The following CCDC192 variants were observed in gnomAD, a reference collection of about 807,000 sequenced individuals.
CCDC192 encodes coiled-coil domain-containing protein 192.
At chr5:127,910,540 G>A (rs245157) in intron 6 of CCDC192, among the ~76,000 whole-genome samples, 109,998 of 152,030 alleles carry the variant, frequency 0.72, 40,442 homozygotes, top group African/African-American at 0.87. Context: ...AATCCATACA[G>A]CCATAAACTC....
intron 6 of CCDC192, among the ~76,000 whole-genome samples, chr5:127,926,601 A>C (rs1211843046): frequency 2.0e-5 from 3 of 152,196 alleles, no homozygotes; most frequent in African/African-American, 7.2e-5. Flanking sequence ...AAGACGGATG[A>C]AAGAGCATGG....
At chr5:127,774,016 A>T (rs1332088286) in intron 3 of CCDC192, among the ~76,000 whole-genome samples, 2 of 152,200 alleles carry the variant, frequency 1.3e-5, no homozygotes, top group East Asian at 3.8e-4. Context: ...ACGACTAATG[A>T]TGTTGAACAT....
chr5:127,780,476 C>T (rs1756147330), intron 3 of CCDC192, among the ~76,000 whole-genome samples: 1 of 152,146 alleles, frequency 6.6e-6, no homozygotes, highest in East Asian at 1.9e-4. Flanking sequence ...GCATCCATGC[C>T]AACATCTACT....
At chr5:127,732,546 A>G (rs1185431804) in intron 2 of CCDC192, among the ~76,000 whole-genome samples, 1 of 152,252 alleles carries the variant, frequency 6.6e-6, no homozygotes, top group African/African-American at 2.4e-5. Flanking sequence ...ATGCACGCAT[A>G]TGTTCATTGC....
At chr5:127,831,286 T>G (rs968407656) in intron 5 of CCDC192, among the ~76,000 whole-genome samples, 3 of 151,002 alleles carry the variant, frequency 2.0e-5, no homozygotes, top group Non-Finnish European at 4.4e-5. Flanking sequence ...ATTAAACATT[T>G]AAAATCAAGT....
At chr5:127,749,654 T>C (rs1258182814) in intron 2 of CCDC192, among the ~76,000 whole-genome samples, 1 of 152,134 alleles carries the variant, frequency 6.6e-6, no homozygotes, top group African/African-American at 2.4e-5. Context: ...GATTCCCTCT[T>C]TTTCTATTGA....
At chr5:127,858,979 T>C (rs1379819764) in intron 5 of CCDC192, among the ~76,000 whole-genome samples, 1 of 152,192 alleles carries the variant, frequency 6.6e-6, no homozygotes, top group Non-Finnish European at 1.5e-5. Flanking sequence ...TGAGTATAGA[T>C]GTACTAAATT....
At chr5:127,737,814 C>G (rs1345180413) in intron 2 of CCDC192, among the ~76,000 whole-genome samples, 1 of 152,096 alleles carries the variant, frequency 6.6e-6, no homozygotes, top group African/African-American at 2.4e-5. Flanking sequence ...TATTTTGAGC[C>G]TATGTGTGAC....
At chr5:127,887,886 G>A (rs1752615809) in intron 6 of CCDC192, among the ~76,000 whole-genome samples, 1 of 151,570 alleles carries the variant, frequency 6.6e-6, no homozygotes, top group African/African-American at 2.4e-5. Context: ...TGTATATTTA[G>A]TAGAGACAGG....
chr5:127,795,190 T>C (rs1757092574), intron 3 of CCDC192, among the ~76,000 whole-genome samples: 1 of 149,324 alleles, frequency 6.7e-6, no homozygotes, highest in Non-Finnish European at 1.5e-5. Flanking sequence ...CTCAGGAGAC[T>C]GAGGTGGGAG....
chr5:127,803,055 G>C (rs1285325591), intron 5 of CCDC192, among the ~76,000 whole-genome samples: 1 of 152,122 alleles, frequency 6.6e-6, no homozygotes, highest in East Asian at 1.9e-4. Flanking sequence ...TATTTCACGT[G>C]AAATAAAAAG....
At chr5:127,936,778 G>C (rs916102175) in intron 6 of CCDC192, among the ~76,000 whole-genome samples, 6 of 152,232 alleles carry the variant, frequency 3.9e-5, no homozygotes, top group Admixed American at 6.5e-5. Flanking sequence ...AATCTGGTCA[G>C]ATAACAGCAC....
At chr5:127,722,677 G>A (rs1449806353) in intron 2 of CCDC192, among the ~76,000 whole-genome samples, 1 of 152,024 alleles carries the variant, frequency 6.6e-6, no homozygotes. Context: ...TTCTCCATAT[G>A]GATATCCAGT....
intron 2 of CCDC192, among the ~76,000 whole-genome samples, chr5:127,738,963 T>C (rs1441906232): frequency 6.6e-6 from 1 of 151,922 alleles, no homozygotes; most frequent in African/African-American, 2.4e-5. Flanking sequence ...TTTGTTCCGT[T>C]GCTGGTGAGG....
intron 5 of CCDC192, among the ~76,000 whole-genome samples, chr5:127,858,919 G>T (rs181426180): frequency 6.8e-6 from 1 of 146,314 alleles, no homozygotes; most frequent in Non-Finnish European, 1.5e-5. Context: ...CAAATTATTT[G>T]ACACTTTTGT....
At chr5:127,793,090 T>C (rs1756972317) in intron 3 of CCDC192, among the ~76,000 whole-genome samples, 1 of 152,110 alleles carries the variant, frequency 6.6e-6, no homozygotes, top group East Asian at 1.9e-4. Context: ...CTCAGCATCA[T>C]GCAATATACC....
At chr5:127,812,637 A>G (rs1580698737) in intron 5 of CCDC192, among the ~76,000 whole-genome samples, 1 of 152,170 alleles carries the variant, frequency 6.6e-6, no homozygotes, top group South Asian at 2.1e-4. Flanking sequence ...TGAGCCCAAG[A>G]TATTACTCAC....
intron 6 of CCDC192, among the ~76,000 whole-genome samples, chr5:127,907,043 G>GT (rs11345003): frequency 3.3e-5 from 5 of 151,528 alleles, no homozygotes; most frequent in South Asian, 2.1e-4. Flanking sequence ...GTTTGGTTGG[G>GT]TTTTTTTTCA....
intron 3 of CCDC192, among the ~76,000 whole-genome samples, chr5:127,768,122 C>T (rs560329546): frequency 5.9e-5 from 9 of 151,946 alleles, no homozygotes; most frequent in East Asian, 3.9e-4. Context: ...CGTGGTGGCA[C>T]GTGCCTGTAA....
Sources: allele counts gnomAD v4.1 joint callset (sites outside exome capture counted in the v4.1 genomes callset), GRCh38; gene constraint gnomAD v4.1.1; transcripts MANE v1.5; gene names NCBI Gene and HGNC (gene_info 2026-07-23, HGNC 2026-07-21).